PTPN22: variants seen among roughly 807,000 people sequenced by gnomAD.
PTPN22 encodes the protein tyrosine-protein phosphatase non-receptor type 22.
PTPN22 carries 85 observed loss-of-function variants against 103.3 expected under a neutral mutation model. The ratio of observed to expected loss-of-function variants is 0.82; its 90% confidence interval spans 0.69 to 0.99. PTPN22 has a LOEUF of 0.99. PTPN22 is among the 50% of genes least tolerant of loss of function. The probability of loss-of-function intolerance (pLI) is 0.00; values close to 1 mark genes in which losing one functional copy is unlikely to be tolerated. For synonymous variants in PTPN22, 323 were observed against 310.2 expected, an observed-to-expected ratio of 1.04 and a Z score of -0.43; for missense variants, 865 against 936.9, an observed-to-expected ratio of 0.92 and a Z score of 1.00.
At chr1:113,829,559 C>A (rs772889035) in intron 18 of PTPN22, 33 bp downstream of exon 18, 2 of 1,305,520 alleles carry the variant, frequency 1.5e-6, no homozygotes, top group East Asian at 4.7e-5. Context: ...GGAAAGTTTC[C>A]GGCATGTTTC....
intron 20 of PTPN22, chr1:113,819,273 A>C (rs1269567692): frequency 5.9e-6 from 1 of 169,308 alleles, no homozygotes; most frequent in African/African-American, 2.4e-5. Flanking sequence ...TTTGCTTTAG[A>C]TATGAACCAG....
intron 1 of PTPN22, among the ~76,000 whole-genome samples, chr1:113,865,813 T>A (rs1288924959): frequency 6.6e-6 from 1 of 152,210 alleles, no homozygotes; most frequent in African/African-American, 2.4e-5. Flanking sequence ...GAGAAATAAA[T>A]TATTTGGGTA....
At chr1:113,851,733 T>G (rs2102063615) in intron 10 of PTPN22, among the ~76,000 whole-genome samples, 1 of 152,312 alleles carries the variant, frequency 6.6e-6, no homozygotes, top group South Asian at 2.1e-4. Context: ...CACAAGTCAG[T>G]TTGTTGAATA....
rs766179636 is a variant in PTPN22 at position 113,848,670 on chromosome 1, A to G, written c.829-44T>C. 4 of 1,572,300 alleles carry G rather than the reference A, an allele frequency of 2.5e-6. No homozygotes were observed. The African/African-American group carries it at 5.5e-5, about 22-fold the overall frequency. On this transcript the variant is annotated intron_variant, in intron 10 of 20. Transcript: ENST00000359785. ...CAGAACAAATGAAAACAAAAACAAA[A>G]AAATTGGTGAACGACAGGACCAGAT...
At chr1:113,832,176 G>C (rs983998089) in intron 16 of PTPN22, among the ~76,000 whole-genome samples, 2 of 152,052 alleles carry the variant, frequency 1.3e-5, no homozygotes, top group African/African-American at 4.8e-5. Flanking sequence ...TAAAGCCCTT[G>C]TTTTTGTTGT....
intron 1 of PTPN22, among the ~76,000 whole-genome samples, chr1:113,861,522 G>A (rs892180512): frequency 6.6e-6 from 1 of 152,030 alleles, no homozygotes; most frequent in African/African-American, 2.4e-5. Flanking sequence ...TTACAGTCGT[G>A]AGCCACCGCG....
At chr1:113,833,452 C>T (rs925452627) in intron 15 of PTPN22, among the ~76,000 whole-genome samples, 15 of 152,282 alleles carry the variant, frequency 9.9e-5, no homozygotes, top group Middle Eastern at 3.4e-3. Flanking sequence ...TACTTCATAA[C>T]ATTGGAAGAG....
At chr1:113,844,716 T>G (rs998934597) in intron 11 of PTPN22, among the ~76,000 whole-genome samples, 4 of 152,262 alleles carry the variant, frequency 2.6e-5, no homozygotes, top group Non-Finnish European at 5.9e-5. Flanking sequence ...CCTTTGAGAC[T>G]TTCTCTTTGA....
At chr1:113,866,797 G>C (rs939579150) in intron 1 of PTPN22, among the ~76,000 whole-genome samples, 4 of 152,056 alleles carry the variant, frequency 2.6e-5, no homozygotes, top group Non-Finnish European at 4.4e-5. Context: ...TCCCTGGCTG[G>C]TGTGCAGTGG....
intron 9 of PTPN22, 76 bp from the exon 10 acceptor site, chr1:113,852,180 C>CCTG: frequency 9.1e-7 from 1 of 1,098,930 alleles, no homozygotes; most frequent in Non-Finnish European, 1.3e-6. Flanking sequence ...TAGTCTTGTA[C>CCTG]TTCCATGGCA....
chr1:113,869,913 A>G (rs532864967), intron 1 of PTPN22, among the ~76,000 whole-genome samples: 240 of 152,228 alleles, frequency 1.6e-3, no homozygotes, highest in Non-Finnish European at 2.8e-3. Context: ...GTGAGAGCAC[A>G]TTTTTCATAG....
chr1:113,814,067 T>A (rs573034025), exon 21 of PTPN22: 1 of 152,432 alleles, frequency 6.6e-6, no homozygotes, highest in South Asian at 2.1e-4. Flanking sequence ...ATTTACTACA[T>A]AAAATTAGAG....
Position 113,829,702 on chromosome 1 carries a change from G to A in PTPN22, c.2140C>T (p.Gln714Ter). Reference sequence around the variant, plus strand: ...GAATATGTTTCTATAGATTGGGCCTGCATACCTTAAAAAAAAAAAAGGAGA... The same window carrying A: ...GAATATGTTTCTATAGATTGGGCCTACATACCTTAAAAAAAAAAAAGGAGA... The change falls in exon 18 of 21, where the codon CAG becomes TAG. Residue 714 changes from glutamine (Q) to a stop codon, truncating the protein, a stop_gained. Coordinates refer to ENST00000359785, the Ensembl canonical transcript of PTPN22. LOFTEE classifies it high-confidence loss of function. 1 of 1,524,170 alleles carries A rather than the reference G, an allele frequency of 6.6e-7. No homozygotes were observed. Among genetic ancestry groups the A allele is most frequent in the Non-Finnish European group, 8.8e-7 (1 of 1,138,592 alleles). 94.4% of individuals were successfully genotyped at this position (1,524,170 alleles called of 1,614,324 possible). A position where few individuals can be genotyped will look rare whatever the true frequency, so the allele number is the denominator to read the frequency against.
At chr1:113,870,260 A>C (rs1056661903) in intron 1 of PTPN22, among the ~76,000 whole-genome samples, 1 of 152,180 alleles carries the variant, frequency 6.6e-6, no homozygotes, top group Non-Finnish European at 1.5e-5. Context: ...TAGAAAACAG[A>C]GAGATTTAAG....
intron 8 of PTPN22, 33 bp from the exon 9 acceptor site, chr1:113,854,570 T>C (rs1311890323): frequency 1.3e-6 from 2 of 1,580,216 alleles, no homozygotes; most frequent in East Asian, 2.2e-5. Flanking sequence ...CATGTATGCA[T>C]GTATACCTAG....
chr1:113,842,209 A>G (rs1020875358), intron 11 of PTPN22, among the ~76,000 whole-genome samples: 1 of 150,992 alleles, frequency 6.6e-6, no homozygotes, highest in African/African-American at 2.4e-5. Context: ...GACCCTGACT[A>G]AAAAAAAAGT....
Position 113,833,093 on chromosome 1 carries a change from G to A in PTPN22, c.2053+18C>T, listed in dbSNP as rs1319239552. 1.9e-6 allele frequency: 3 copies of A among 1,560,894 alleles called. No homozygotes were observed. The highest frequency in any genetic ancestry group is 1.4e-5 in the African/African-American group (1 of 73,518). The stretch of plus-strand genomic sequence containing the variant: ...ATCTTAGGGCTAAATGTCATCTAAA[G>A]CCAAGAGAAATTTTTACCTGATTTA... On this transcript the variant is annotated intron_variant, in intron 16 of 20. Transcript: ENST00000359785.
chr1:113,830,023 T>A lies in PTPN22; in HGVS notation c.2060A>T (p.His687Leu), dbSNP rs142861258. 4.7e-5 allele frequency: 75 copies of A among 1,594,170 alleles called. No individual in the cohort carries two copies. The African/African-American group carries it at 8.6e-4, about 18-fold the overall frequency. The change falls in exon 17 of 21, where the codon CAT (histidine) becomes CTT (leucine). Residue 687 changes from histidine to leucine, a missense_variant. By Grantham distance (99) the His-to-Leu change is moderately conservative. Around this residue, in one of 3 missense-constraint regions of PTPN22, gnomAD observed 401 missense variants for 388.6 expected, o/e 1.03. Coordinates refer to ENST00000359785, the Ensembl canonical transcript of PTPN22. ...AGGTGGGGGAGAAGAACGATCTTGA[T>A]GTAGTTCTGTGATAAGAAAGTATAC... is the stretch of plus-strand genomic sequence containing the variant.
At chr1:113,821,333 G>T (rs1246814975) in intron 19 of PTPN22, among the ~76,000 whole-genome samples, 4 of 151,424 alleles carry the variant, frequency 2.6e-5, no homozygotes, top group Non-Finnish European at 4.4e-5. Flanking sequence ...TTGTTTTGGG[G>T]TTTTTTTTGA....
Sources: gnomAD v4.1 joint callset for allele counts (sites outside exome capture counted in the v4.1 genomes callset) on GRCh38, gnomAD v4.1.1 for gene constraint, gnomAD v4.1.1 regional missense constraint, MANE v1.5 for transcripts, NCBI Gene and HGNC (gene_info 2026-07-23, HGNC 2026-07-21) for gene names.